The following TMOD1 variants were observed in gnomAD, a reference collection of about 807,000 sequenced individuals.
The protein encoded by TMOD1 is tropomodulin 1.
A neutral mutation model predicts 40.6 loss-of-function variants in TMOD1; 17 were observed. The ratio of observed to expected loss-of-function variants is 0.42; its 90% confidence interval spans 0.29 to 0.63. The LOEUF is 0.63. Ranked by LOEUF, TMOD1 falls within the 20% of genes least tolerant of loss-of-function variation. TMOD1 has a pLI of 0.22. For synonymous variants in TMOD1, 181 were observed against 175.0 expected, an observed-to-expected ratio of 1.03 and a Z score of -0.27; for missense variants, 391 against 447.6, an observed-to-expected ratio of 0.87 and a Z score of 1.14.
chr9:97,556,476 G>A (rs1179696399), intron 4 of TMOD1, among the ~76,000 whole-genome samples: 1 of 152,146 alleles, frequency 6.6e-6, no homozygotes, highest in African/African-American at 2.4e-5. Context: ...ACTCACTGGA[G>A]GAAGAAGAGT....
Position 97,546,046 on chromosome 9 carries a change from C to T in TMOD1, c.121-139C>T, listed in dbSNP as rs763964914. The stretch of plus-strand genomic sequence containing the variant: ...TTCCTTACTTGTAAAACGAGGAACA[C>T]CATGGATTCCATGAGCTCTGAGGTC... On this transcript the variant is annotated intron_variant, in intron 2 of 9. Coordinates refer to ENST00000259365, the MANE Select transcript of TMOD1 (RefSeq NM_003275.4). The T allele has an allele frequency of 3.9e-6, 4 of 1,023,678 alleles. No homozygotes were observed. The South Asian group carries it at 7.2e-5, about 18-fold the overall frequency. 63.4% of individuals were successfully genotyped at this position (1,023,678 alleles called of 1,614,324 possible).
chr9:97,506,063 G>A (rs1263992362), intron 1 of TMOD1, among the ~76,000 whole-genome samples: 1 of 146,316 alleles, frequency 6.8e-6, no homozygotes, highest in African/African-American at 2.6e-5. Flanking sequence ...TTACCTTCTG[G>A]CCATGGCAAA....
chr9:97,503,433 G>GA (rs1197422747), intron 1 of TMOD1, among the ~76,000 whole-genome samples: 2 of 152,216 alleles, frequency 1.3e-5, no homozygotes, highest in South Asian at 2.1e-4. Context: ...AAGACTTACA[G>GA]AAAAAAGAAT....
rs573740234 is a variant in TMOD1 at position 97,551,682 on chromosome 9, T to C, written c.278-1599T>C. 2.1e-4 allele frequency among the ~76,000 whole-genome samples: 32 copies of C among 152,358 alleles called. 1 individual carries two copies. Among genetic ancestry groups the C allele is most frequent in the African/African-American group, 7.7e-4 (32 of 41,602 alleles). On this transcript the variant is annotated intron_variant, in intron 3 of 9. Coordinates refer to ENST00000259365, the MANE Select transcript of TMOD1 (RefSeq NM_003275.4). Reference sequence around the variant, plus strand: ...TGTTTTGGCATTTGTCGCCCGTAATTCCATATGAATTTAAGGATCACCTTT... The same window carrying C: ...TGTTTTGGCATTTGTCGCCCGTAATCCCATATGAATTTAAGGATCACCTTT...
intron 2 of TMOD1, among the ~76,000 whole-genome samples, chr9:97,536,425 T>A (rs114800881): frequency 0.022 from 3,354 of 151,972 alleles, 134 homozygotes; most frequent in African/African-American, 0.076. Context: ...CAGCTGGAAG[T>A]TCGAAAAGTG....
rs992942747 is a variant in TMOD1, at chr9:97,553,208, C to T, written c.278-73C>T. The T allele has an allele frequency of 2.0e-5, 32 of 1,605,166 alleles. No individual in the cohort carries two copies. The South Asian group carries it at 2.5e-4, about 13-fold the overall frequency. On this transcript the variant is annotated intron_variant, in intron 3 of 9. Coordinates refer to ENST00000259365, the MANE Select transcript of TMOD1 (RefSeq NM_003275.4). ...ACCCACAGGGCTCTACAATGGTCCA[C>T]GCAGGGCTGTGGGTCCACCAGAGGC... is the stretch of plus-strand genomic sequence containing the variant.
chr9:97,550,917 T>C (rs752094251), intron 3 of TMOD1, among the ~76,000 whole-genome samples: 7 of 150,848 alleles, frequency 4.6e-5, no homozygotes, highest in Non-Finnish European at 8.9e-5. Context: ...GCTCGTGTTT[T>C]TGTTATCATA....
intron 4 of TMOD1, among the ~76,000 whole-genome samples, chr9:97,559,794 AATATATAT>A (rs1193457397): frequency 1.8e-3 from 41 of 23,178 alleles, no homozygotes; most frequent in African/African-American, 5.3e-3. Flanking sequence ...AAAAAAAAAA[AATATATAT>A]ATATATATAT....
chr9:97,591,131 C>T (rs780172629), intron 8 of TMOD1, among the ~76,000 whole-genome samples, 160 bp from the exon 9 acceptor site: 25 of 152,300 alleles, frequency 1.6e-4, no homozygotes, highest in Middle Eastern at 6.8e-3. Flanking sequence ...GCCGTGTGAC[C>T]TTTCAACTTC....
intron 9 of TMOD1, among the ~76,000 whole-genome samples, chr9:97,596,396 TTAA>T (rs925736327): frequency 9.9e-5 from 15 of 152,210 alleles, no homozygotes; most frequent in Non-Finnish European, 1.9e-4. Flanking sequence ...CCCAAGTCTC[TTAA>T]TAATAGCTGA....
chr9:97,545,723 CAGCTTAA>C (rs1830350089), intron 2 of TMOD1, among the ~76,000 whole-genome samples: 1 of 152,160 alleles, frequency 6.6e-6, no homozygotes, highest in African/African-American at 2.4e-5. Context: ...TCCAGGGCCC[CAGCTTAA>C]CCCTCTTTTG....
In TMOD1 at chr9:97,562,102, T is replaced by TG. The variant is rs753022077; in HGVS notation, c.398-629dup. On this transcript the variant is annotated intron_variant, in intron 4 of 9. Coordinates refer to ENST00000259365, the MANE Select transcript of TMOD1 (RefSeq NM_003275.4). ...CAGTGCTGGGGTGGGCCTCATTACATGTTGAACAAATGAATGGATGAAAGA... is the reference window on the plus strand; with the variant it reads ...CAGTGCTGGGGTGGGCCTCATTACATGGTTGAACAAATGAATGGATGAAAGA... Among the ~76,000 whole-genome samples the TG allele has an allele frequency of 2.5e-3, 384 of 152,254 alleles. 2 individuals are homozygous for TG. The highest frequency in any genetic ancestry group is 4.4e-3 in the Non-Finnish European group (302 of 68,012).
At chr9:97,593,082 A>C (rs1404325606) in intron 9 of TMOD1, among the ~76,000 whole-genome samples, 1 of 152,218 alleles carries the variant, frequency 6.6e-6, no homozygotes, top group African/African-American at 2.4e-5. Flanking sequence ...TTGCGTTTCT[A>C]TTCTATATGC....
intron 5 of TMOD1, among the ~76,000 whole-genome samples, chr9:97,563,125 C>T (rs953727782): frequency 6.6e-6 from 1 of 152,214 alleles, no homozygotes; most frequent in Admixed American, 6.5e-5. Context: ...ACAATCTTGA[C>T]ACACTGCAGC....
At chr9:97,522,365 G>A (rs541695109) in intron 1 of TMOD1, among the ~76,000 whole-genome samples, 6 of 151,964 alleles carry the variant, frequency 3.9e-5, no homozygotes, top group East Asian at 1.9e-4. Flanking sequence ...CAAATTTCCC[G>A]TTTATAAGGA....
In TMOD1 at chr9:97,568,927, T is replaced by G; in HGVS notation, c.760T>G (p.Leu254Val). The change falls in exon 8 of 10, where the codon TTG becomes GTG. Residue 254 changes from leucine (L) to valine (V), a missense_variant. Leu to Val is a conservative substitution (Grantham distance 32, BLOSUM62 1). Coordinates refer to ENST00000259365, the MANE Select transcript of TMOD1 (RefSeq NM_003275.4). ...LAEMLKENKV[L>V]KTLNVESNFI... is the part of the protein sequence containing the mutation. ...TGAGATGCTCAAGGAGAACAAGGTG[T>G]TGAAGACACTGAATGTGGAATCCAA... 6.2e-7 allele frequency: 1 copy of G among 1,614,198 alleles called. No homozygotes were observed. The highest frequency in any genetic ancestry group is 8.5e-7 in the Non-Finnish European group (1 of 1,180,022).
intron 2 of TMOD1, among the ~76,000 whole-genome samples, chr9:97,541,794 G>A (rs1259488426): frequency 6.6e-6 from 1 of 152,158 alleles, no homozygotes; most frequent in Non-Finnish European, 1.5e-5. Flanking sequence ...GGGATTACAG[G>A]TGTGAGTCAC....
intron 3 of TMOD1, among the ~76,000 whole-genome samples, chr9:97,550,061 C>A (rs1830425452): frequency 1.3e-5 from 2 of 152,208 alleles, no homozygotes; most frequent in Non-Finnish European, 2.9e-5. Flanking sequence ...ACTCCCTCTG[C>A]CCCAGCCCCT....
At chr9:97,516,805 G>A (rs957621273) in intron 1 of TMOD1, 1 of 152,234 alleles carries the variant, frequency 6.6e-6, no homozygotes, top group Non-Finnish European at 1.5e-5. Flanking sequence ...AAAGGAGAAT[G>A]TGGTTGCCAG....
Sources: gnomAD v4.1 joint callset for allele counts (sites outside exome capture counted in the v4.1 genomes callset) on GRCh38, gnomAD v4.1.1 for gene constraint, MANE v1.5 for transcripts, NCBI Gene and HGNC (gene_info 2026-07-23, HGNC 2026-07-21) for gene names.